PDE1A: variants seen among roughly 807,000 people sequenced by gnomAD.
PDE1A encodes the protein phosphodiesterase 1A.
A neutral mutation model predicts 61.7 loss-of-function variants in PDE1A; 35 were observed. That is an observed-to-expected ratio of 0.57 (90% CI 0.43 to 0.75). The LOEUF (loss-of-function observed/expected upper bound fraction) is 0.75, where lower values mean the gene tolerates loss of function less well. PDE1A is among the 30% of genes least tolerant of loss of function. PDE1A has a pLI of 0.00. For missense variants in PDE1A, 597 were observed against 630.6 expected (o/e 0.95, Z 0.57); for synonymous variants, 232 against 213.2 (o/e 1.09, Z -0.77).
chr2:182,169,974 A>C (rs1227330407), intron 13 of PDE1A, among the ~76,000 whole-genome samples: 1 of 150,984 alleles, frequency 6.6e-6, no homozygotes, highest in African/African-American at 2.4e-5. Context: ...ATACACACAC[A>C]CACACACACA....
At chr2:182,645,326 T>C in the PDE1A span, among the ~76,000 whole-genome samples, 2 of 152,362 alleles carry the variant, frequency 1.3e-5, no homozygotes, top group Admixed American at 6.5e-5. Context: ...TTTGTTTTAA[T>C]ATAAATATTC....
Position 182,186,079 on chromosome 2 carries a change from G to A in PDE1A, c.1329C>T (p.Ser443=), listed in dbSNP as rs1235554399. 4 of 1,612,798 alleles carry A rather than the reference G, an allele frequency of 2.5e-6. No individual in the cohort carries two copies. The African/African-American group carries it at 5.3e-5, about 22-fold the overall frequency. ...TGTGTAACCCCACAATGGTGGTTGA[G>A]CTAACAGTAACAACCAAAGAAACCA... The change falls in exon 13 of 14, where the codon AGC becomes AGT. Residue 443 remains serine (S), a splice_region_variant and synonymous_variant. Transcript: ENST00000351439.
At chr2:182,214,100 T>C (rs1164200207) in intron 7 of PDE1A, among the ~76,000 whole-genome samples, 2 of 147,068 alleles carry the variant, frequency 1.4e-5, no homozygotes, top group East Asian at 2.1e-4. Flanking sequence ...CAGAAGAGAG[T>C]GGGGGCCAAT....
intron 13 of PDE1A, among the ~76,000 whole-genome samples, chr2:182,174,449 C>G (rs1329446396): frequency 1.3e-5 from 2 of 152,116 alleles, no homozygotes; most frequent in Non-Finnish European, 2.9e-5. Context: ...TTGATTCAAA[C>G]TGTGATACTT....
At chr2:182,462,071 A>G (rs1378558723) in intron 2 of PDE1A, among the ~76,000 whole-genome samples, 1 of 152,136 alleles carries the variant, frequency 6.6e-6, no homozygotes, top group Non-Finnish European at 1.5e-5. Context: ...GCAAGAATAA[A>G]AAACCAAACA....
intron 1 of PDE1A, chr2:182,522,464 T>C (rs1690629183): frequency 1.3e-6 from 2 of 1,585,028 alleles, no homozygotes; most frequent in Non-Finnish European, 1.7e-6. Context: ...TACACACTTA[T>C]ACAGTAGCCT....
At chr2:182,245,966 A>G (rs753176767) in intron 2 of PDE1A, among the ~76,000 whole-genome samples, 16 of 152,170 alleles carry the variant, frequency 1.1e-4, no homozygotes, top group Non-Finnish European at 2.2e-4. Flanking sequence ...AGCTGCCATC[A>G]TCTCTTGCCT....
the PDE1A span, among the ~76,000 whole-genome samples, chr2:182,573,972 T>TACAC: frequency 1.1e-3 from 161 of 142,738 alleles, no homozygotes; most frequent in East Asian, 1.8e-3. Flanking sequence ...TATTTTTTTA[T>TACAC]ACACACACAC....
chr2:182,474,636 C>T (rs1463853591), intron 2 of PDE1A, among the ~76,000 whole-genome samples: 1 of 151,882 alleles, frequency 6.6e-6, no homozygotes, highest in African/African-American at 2.4e-5. Context: ...GGTCAGTCCT[C>T]TTGATGATAT....
At chr2:182,173,216 G>C (rs1474791162) in intron 13 of PDE1A, among the ~76,000 whole-genome samples, 1 of 152,016 alleles carries the variant, frequency 6.6e-6, no homozygotes, top group African/African-American at 2.4e-5. Context: ...CTGTGAACTG[G>C]AGAAAGGGCA....
chr2:182,291,835 A>G (rs552957384), intron 1 of PDE1A, among the ~76,000 whole-genome samples: 2 of 152,258 alleles, frequency 1.3e-5, no homozygotes, highest in South Asian at 2.1e-4. Context: ...TAGGATTTAA[A>G]TTCTGACATT....
intron 1 of PDE1A, among the ~76,000 whole-genome samples, chr2:182,403,462 G>A (rs1179786415): frequency 1.3e-5 from 2 of 151,992 alleles, no homozygotes; most frequent in Admixed American, 6.6e-5. Context: ...AGCCGTGCGT[G>A]GTGGCGGGCG....
intron 1 of PDE1A, 79 bp downstream of exon 1, chr2:182,426,499 G>T: frequency 2.9e-6 from 3 of 1,025,826 alleles, no homozygotes; most frequent in South Asian, 2.6e-5. Context: ...CTTAGTGGCA[G>T]AATCCCCAAA....
chr2:182,183,093 C>G (rs531177352), intron 13 of PDE1A, among the ~76,000 whole-genome samples: 1 of 152,178 alleles, frequency 6.6e-6, no homozygotes, highest in East Asian at 1.9e-4. Flanking sequence ...GTAATAACAG[C>G]TAACTCATAT....
chr2:182,398,578 C>T (rs1288766169), intron 1 of PDE1A, among the ~76,000 whole-genome samples: 1 of 151,916 alleles, frequency 6.6e-6, no homozygotes, highest in Non-Finnish European at 1.5e-5. Flanking sequence ...TCAGCATCCT[C>T]AATTGAATTA....
chr2:182,278,891 A>G (rs979152809), intron 1 of PDE1A, among the ~76,000 whole-genome samples: 3 of 152,050 alleles, frequency 2.0e-5, no homozygotes, highest in Admixed American at 2.0e-4. Flanking sequence ...CACAGTTTAT[A>G]CAGATTTGTA....
intron 1 of PDE1A, among the ~76,000 whole-genome samples, chr2:182,353,722 AG>A (rs1483255610): frequency 6.6e-6 from 1 of 152,138 alleles, no homozygotes; most frequent in African/African-American, 2.4e-5. Flanking sequence ...GATCGAGCAC[AG>A]GGTAAACAGA....
intron 1 of PDE1A, among the ~76,000 whole-genome samples, chr2:182,383,759 C>T (rs942957433): frequency 5.3e-5 from 8 of 152,014 alleles, no homozygotes; most frequent in Non-Finnish European, 1.2e-4. Context: ...AGATATAATA[C>T]GGAGGATGGG....
intron 2 of PDE1A, among the ~76,000 whole-genome samples, chr2:182,454,686 T>C (rs1685775726): frequency 6.6e-6 from 1 of 151,668 alleles, no homozygotes; most frequent in Non-Finnish European, 1.5e-5. Context: ...CCCTATTTAA[T>C]AAATGGTGCT....
Sources: gnomAD v4.1 joint callset for allele counts (sites outside exome capture counted in the v4.1 genomes callset) on GRCh38, gnomAD v4.1.1 for gene constraint, MANE v1.5 for transcripts, NCBI Gene and HGNC (gene_info 2026-07-23, HGNC 2026-07-21) for gene names.